Variants in CDC42BPA observed in about 807,000 individuals in gnomAD.
CDC42BPA encodes the protein serine/threonine-protein kinase MRCK alpha.
Under a neutral mutation model 223.5 loss-of-function variants are expected in CDC42BPA, and 80 were observed. The observed-to-expected ratio is 0.36, with a 90% CI of 0.30 to 0.43. The LOEUF is 0.43. CDC42BPA is among the 20% of genes least tolerant of loss of function. CDC42BPA has a pLI of 1.00. For missense variants in CDC42BPA, 1,743 were observed against 2,099.9 expected (o/e 0.83, Z 3.32); for synonymous variants, 694 against 718.6 (o/e 0.97, Z 0.55).
intron 4 of CDC42BPA, among the ~76,000 whole-genome samples, chr1:227,195,710 A>G (rs1261540574): frequency 1.3e-5 from 2 of 151,836 alleles, no homozygotes; most frequent in African/African-American, 4.8e-5. Context: ...TTATTATATC[A>G]TATTGTTCTG....
At chr1:227,046,469 T>C (rs1672470737) in intron 23 of CDC42BPA, among the ~76,000 whole-genome samples, 1 of 152,122 alleles carries the variant, frequency 6.6e-6, no homozygotes, top group Admixed American at 6.5e-5. Flanking sequence ...CTCAACTATT[T>C]GTGGTTTTGC....
At chr1:227,166,477 C>T (rs552700120) in intron 5 of CDC42BPA, among the ~76,000 whole-genome samples, 4 of 152,170 alleles carry the variant, frequency 2.6e-5, no homozygotes, top group East Asian at 1.9e-4. Context: ...GAAAGTAAGG[C>T]GTAAAACTTA....
At chr1:227,121,236 C>T (rs1402044281) in intron 11 of CDC42BPA, among the ~76,000 whole-genome samples, 1 of 152,192 alleles carries the variant, frequency 6.6e-6, no homozygotes, top group East Asian at 1.9e-4. Context: ...AGAATCTATA[C>T]AGTATCCTCA....
At chr1:227,139,791 G>A in intron 9 of CDC42BPA, 49 bp from the exon 10 acceptor site, 1 of 1,198,840 alleles carries the variant, frequency 8.3e-7, no homozygotes, top group Non-Finnish European at 1.1e-6. Flanking sequence ...TAAAAAGCTT[G>A]AAGAAAAACG....
intron 23 of CDC42BPA, among the ~76,000 whole-genome samples, chr1:227,047,057 T>G (rs182535146): frequency 6.6e-6 from 1 of 152,154 alleles, no homozygotes; most frequent in African/African-American, 2.4e-5. Context: ...GGTTGTCATA[T>G]ATCTTAACTT....
At chr1:227,167,560 T>C (rs1665259851) in intron 5 of CDC42BPA, among the ~76,000 whole-genome samples, 1 of 152,198 alleles carries the variant, frequency 6.6e-6, no homozygotes, top group Non-Finnish European at 1.5e-5. Context: ...AAGCATAATT[T>C]CCATTCCCCT....
At chr1:227,031,650 TA>T in intron 27 of CDC42BPA, 136 bp from the exon 28 acceptor site, 1 of 676,120 alleles carries the variant, frequency 1.5e-6, no homozygotes. Context: ...GGAGTTCAGC[TA>T]TTCCTAATCA....
intron 15 of CDC42BPA, among the ~76,000 whole-genome samples, chr1:227,096,442 G>A (rs1175448746): frequency 6.6e-6 from 1 of 152,160 alleles, no homozygotes; most frequent in African/African-American, 2.4e-5. Flanking sequence ...TCACTGGTAA[G>A]CATCCTGAAA....
chr1:227,001,919 A>G (rs1000323431), intron 35 of CDC42BPA, among the ~76,000 whole-genome samples: 3 of 152,214 alleles, frequency 2.0e-5, no homozygotes, highest in African/African-American at 7.2e-5. Flanking sequence ...AAAAAACAAA[A>G]ACAAAAAACA....
chr1:226,994,046 G>A lies in CDC42BPA; in HGVS notation c.*222C>T, dbSNP rs947472921. On this transcript the variant is annotated 3_prime_UTR_variant, in exon 37 of 37. Transcript: ENST00000366766. The surrounding 1 kb of genome is among the most constrained non-coding windows in gnomAD (Gnocchi z 4.0). ...TCTAAGTGCATGGAATGAAATCAAC[G>A]TTAATCTAAGCTGCTACGGAAAGTC... The A allele has an allele frequency of 2.2e-5, 11 of 499,620 alleles. No homozygotes were observed. The highest frequency in any genetic ancestry group is 1.8e-4 in the African/African-American group (9 of 50,598). The allele number at this position is 499,620 out of a possible 1,614,324, so 30.9% of individuals were successfully genotyped here. A position where few individuals can be genotyped will look rare whatever the true frequency, so the allele number is the denominator to read the frequency against.
chr1:227,164,058 A>AT (rs930123115), intron 5 of CDC42BPA, among the ~76,000 whole-genome samples: 6 of 151,706 alleles, frequency 4.0e-5, no homozygotes, highest in South Asian at 2.1e-4. Context: ...GTATTACTCT[A>AT]TTTTTTTTCA....
intron 16 of CDC42BPA, among the ~76,000 whole-genome samples, chr1:227,086,760 G>A (rs1156309290): frequency 2.0e-5 from 3 of 150,324 alleles, no homozygotes; most frequent in Non-Finnish European, 3.0e-5. Flanking sequence ...TTGACTTCCT[G>A]GACTCACATA....
At chr1:227,159,126 C>CATGG (rs1663368915) in intron 6 of CDC42BPA, among the ~76,000 whole-genome samples, 1 of 152,154 alleles carries the variant, frequency 6.6e-6, no homozygotes, top group Non-Finnish European at 1.5e-5. Flanking sequence ...CCAATTTAAT[C>CATGG]CCTCTATCAT....
intron 31 of CDC42BPA, among the ~76,000 whole-genome samples, chr1:227,025,814 T>C (rs1668147679): frequency 6.6e-6 from 1 of 152,178 alleles, no homozygotes; most frequent in Non-Finnish European, 1.5e-5. Context: ...TAGTTGTTCA[T>C]AATAATAACA....
rs576777801 is a variant in CDC42BPA, at chr1:227,046,924, G to GA, written c.3093+1002dup. On this transcript the variant is annotated intron_variant, in intron 23 of 36. Coordinates refer to ENST00000366766, the MANE Select transcript of CDC42BPA (RefSeq NM_001394014.1). Reference sequence around the variant, plus strand: ...GTTGTTTTTAGCATACTGTTACTATGAAAAAATCTGATGATAATCTCATTT... The same window carrying GA: ...GTTGTTTTTAGCATACTGTTACTATGAAAAAAATCTGATGATAATCTCATTT... 5.3e-5 allele frequency among the ~76,000 whole-genome samples: 8 copies of GA among 152,108 alleles called. No individual in the cohort carries two copies. The East Asian group carries it at 1.4e-3, about 26-fold the overall frequency.
chr1:227,296,710 A>C (rs1223361452), intron 1 of CDC42BPA, among the ~76,000 whole-genome samples: 4 of 71,134 alleles, frequency 5.6e-5, no homozygotes, highest in African/African-American at 3.1e-4. Flanking sequence ...TCCCCACATC[A>C]AAAAAAAAAA....
Position 227,144,373 on chromosome 1 carries a change from A to G in CDC42BPA, c.1143+1116T>C, listed in dbSNP as rs188033143. On this transcript the variant is annotated intron_variant, in intron 8 of 36. Transcript: ENST00000366766. Reference sequence around the variant, plus strand: ...GGGCGGATCACAAGGTCAGGAGATCAAGACCATTCTGGCTAACACGGTGAA... The same window carrying G: ...GGGCGGATCACAAGGTCAGGAGATCGAGACCATTCTGGCTAACACGGTGAA... Among the ~76,000 whole-genome samples, 502 of 152,130 alleles carry G rather than the reference A, an allele frequency of 3.3e-3. 3 individuals are homozygous for G. The highest frequency in any genetic ancestry group is 9.8e-3 in the African/African-American group (408 of 41,546).
intron 1 of CDC42BPA, among the ~76,000 whole-genome samples, chr1:227,270,156 C>A (rs1044238318): frequency 5.3e-5 from 8 of 152,116 alleles, no homozygotes; most frequent in Non-Finnish European, 7.4e-5. Flanking sequence ...ATAGAAACAT[C>A]TCTAATGCAT....
chr1:227,021,605 C>T (rs1305607169), intron 32 of CDC42BPA, among the ~76,000 whole-genome samples: 5 of 151,386 alleles, frequency 3.3e-5, no homozygotes. Flanking sequence ...AACACACCAA[C>T]AAAATAAAAC....
Sources: gnomAD v4.1 joint callset for allele counts (sites outside exome capture counted in the v4.1 genomes callset) on GRCh38, gnomAD v4.1.1 for gene constraint, Gnocchi (gnomAD v3.1) non-coding constraint, MANE v1.5 for transcripts, NCBI Gene and HGNC (gene_info 2026-07-23, HGNC 2026-07-21) for gene names.